YIPF1: variants seen among roughly 807,000 people sequenced by gnomAD.
YIPF1 encodes the protein protein YIPF1.
YIPF1 carries 22 observed loss-of-function variants against 37.0 expected under a neutral mutation model. That is an observed-to-expected ratio of 0.59 (90% confidence interval 0.42 to 0.85). The LOEUF is 0.85. Ranked by LOEUF, YIPF1 falls within the 40% of genes least tolerant of loss-of-function variation. The pLI, the probability that YIPF1 is intolerant of heterozygous loss-of-function variation, is 0.00. For synonymous variants in YIPF1, 128 were observed against 131.9 expected (o/e 0.97, Z 0.21); for missense variants, 355 against 373.1 (o/e 0.95, Z 0.40).
At chr1:53,867,046 T>C in intron 7 of YIPF1, 122 bp from the exon 8 acceptor site, 1 of 1,189,300 alleles carries the variant, frequency 8.4e-7, no homozygotes, top group Admixed American at 2.9e-5. Context: ...GACCACGGAA[T>C]CATGTCTTAC....
chr1:53,864,387 C>T (rs1228040857), intron 9 of YIPF1, among the ~76,000 whole-genome samples: 3 of 152,204 alleles, frequency 2.0e-5, no homozygotes, highest in East Asian at 1.9e-4. Context: ...CCAACAGGCC[C>T]GCCTTGAGGG....
At position 53,883,270 on chromosome 1, in the gene YIPF1, C is replaced by T. The variant is rs376566644; in HGVS notation, c.38G>A (p.Gly13Asp). ...AVDDLQFEEFGNAATSLTANP... is the reference protein window; with the variant it reads ...AVDDLQFEEFDNAATSLTANP... ...TGCTGTCAGAGAAGTGGCTGCATTG[C>T]CAAATTCTGAAATCAATTAGAGCAC... The change falls in exon 4 of 11, where the codon GGC (glycine) becomes GAC (aspartate). Residue 13 changes from glycine to aspartate, a missense_variant. Transcript: ENST00000072644. 6.4e-7 allele frequency: 1 copy of T among 1,561,506 alleles called. No homozygotes were observed. The highest frequency in any genetic ancestry group is 8.6e-7 in the Non-Finnish European group (1 of 1,157,336).
intron 9 of YIPF1, among the ~76,000 whole-genome samples, chr1:53,860,852 A>G (rs1649852034): frequency 6.6e-6 from 1 of 152,234 alleles, no homozygotes; most frequent in South Asian, 2.1e-4. Context: ...CATAAGGTCT[A>G]GAGAAGCCTA....
intron 6 of YIPF1, among the ~76,000 whole-genome samples, chr1:53,877,602 C>A (rs549074243): frequency 6.6e-6 from 1 of 152,220 alleles, no homozygotes; most frequent in South Asian, 2.1e-4. Context: ...TGACAACAAT[C>A]CCCGGCCCAA....
chr1:53,860,005 C>T (rs2100720542), intron 10 of YIPF1, 51 bp downstream of exon 10: 1 of 1,573,280 alleles, frequency 6.4e-7, no homozygotes, highest in African/African-American at 1.3e-5. Flanking sequence ...ATTGATACAC[C>T]TGCCCATGTT....
chr1:53,857,454 G>A (rs1003109112), intron 10 of YIPF1, among the ~76,000 whole-genome samples: 6 of 152,182 alleles, frequency 3.9e-5, no homozygotes, highest in African/African-American at 1.2e-4. Context: ...ACAGCCAAAG[G>A]CTAGCAGTGA....
rs1254558114 is a variant in YIPF1 at position 53,870,729 on chromosome 1, CA to C, written c.481+642del. Among the ~76,000 whole-genome samples, 5 of 151,994 alleles carry C rather than the reference CA, an allele frequency of 3.3e-5. No homozygotes were observed. The East Asian group carries it at 9.7e-4, about 29-fold the overall frequency. ...TCTTAGAATATATTCCAGCTGTGGC[CA>C]GGTGTGATGGCTCACACCTGTAATC... On this transcript the variant is annotated intron_variant, in intron 7 of 10. Coordinates refer to ENST00000072644, the MANE Select transcript of YIPF1 (RefSeq NM_018982.5).
At chr1:53,867,367 C>CTTTTTTTT (rs57424528) in intron 7 of YIPF1, among the ~76,000 whole-genome samples, 3 of 111,582 alleles carry the variant, frequency 2.7e-5, no homozygotes, top group Non-Finnish European at 3.6e-5. Context: ...CACTGACTTC[C>CTTTTTTTT]TTTTTTTTTT....
chr1:53,856,500 T>C (rs967099914), intron 10 of YIPF1, among the ~76,000 whole-genome samples: 2 of 152,094 alleles, frequency 1.3e-5, no homozygotes, highest in Admixed American at 1.3e-4. Flanking sequence ...GTGATGTGAG[T>C]CCACATCGTC....
At position 53,883,126 on chromosome 1, in the gene YIPF1, G is replaced by C; in HGVS notation, c.182C>G (p.Ser61Cys). The change falls in exon 4 of 11, where the codon TCT becomes TGT. Residue 61 changes from serine (S) to cysteine (C), a missense_variant. Coordinates refer to ENST00000072644, the MANE Select transcript of YIPF1 (RefSeq NM_018982.5). The stretch of plus-strand genomic sequence containing the variant: ...ACAAGTTCAAACCTCAGTTTTGTCA[G>C]AGTCATCATTTCCCAGTAACTCATC... ...EDDELLGNDD[S>C]DKTELLAGQK... 5 of 1,575,318 alleles carry C rather than the reference G, an allele frequency of 3.2e-6. No homozygotes were observed. The highest frequency in any genetic ancestry group is 4.3e-6 in the Non-Finnish European group (5 of 1,167,156).
chr1:53,861,690 G>GGA (rs1262421265), intron 9 of YIPF1, among the ~76,000 whole-genome samples: 17 of 95,324 alleles, frequency 1.8e-4, no homozygotes, highest in African/African-American at 5.8e-4. Context: ...GGGAGAGAGA[G>GGA]AGGGAGGGAG....
intron 3 of YIPF1, among the ~76,000 whole-genome samples, chr1:53,886,443 T>C (rs1650654021): frequency 6.6e-6 from 1 of 151,958 alleles, no homozygotes; most frequent in South Asian, 2.1e-4. Flanking sequence ...TATCCTAAGC[T>C]AGTTTCAGCC....
chr1:53,859,290 T>C (rs1321120922), intron 10 of YIPF1, among the ~76,000 whole-genome samples: 1 of 152,192 alleles, frequency 6.6e-6, no homozygotes, highest in Non-Finnish European at 1.5e-5. Flanking sequence ...GGACACATGA[T>C]TAGTCAGCCA....
intron 7 of YIPF1, among the ~76,000 whole-genome samples, chr1:53,868,478 G>GT (rs1467793154): frequency 6.6e-6 from 1 of 152,134 alleles, no homozygotes; most frequent in Non-Finnish European, 1.5e-5. Context: ...ATAAAAGCAG[G>GT]TAAGAACTGT....
intron 10 of YIPF1, among the ~76,000 whole-genome samples, chr1:53,858,594 C>T (rs924564090): frequency 6.6e-6 from 1 of 152,122 alleles, no homozygotes; most frequent in Non-Finnish European, 1.5e-5. Flanking sequence ...GAGTAAGCCC[C>T]TTACCCAAGG....
At chr1:53,887,616 C>T (rs927019582) in intron 3 of YIPF1, among the ~76,000 whole-genome samples, 6 of 151,738 alleles carry the variant, frequency 4.0e-5, no homozygotes, top group South Asian at 2.1e-4. Context: ...ATTTTGAAGA[C>T]GAGGTTGACA....
chr1:53,880,571 C>T (rs1410256579), intron 4 of YIPF1, among the ~76,000 whole-genome samples: 4 of 152,166 alleles, frequency 2.6e-5, no homozygotes, highest in African/African-American at 9.7e-5. Context: ...TTTTAAAATT[C>T]ATATGGAATC....
At chr1:53,853,303 C>A (rs1649641609) in intron 10 of YIPF1, among the ~76,000 whole-genome samples, 1 of 152,146 alleles carries the variant, frequency 6.6e-6, no homozygotes. Flanking sequence ...AAGAATCTAA[C>A]CTACTCTGCA....
At chr1:53,857,731 C>T (rs1176320313) in intron 10 of YIPF1, among the ~76,000 whole-genome samples, 2 of 152,112 alleles carry the variant, frequency 1.3e-5, no homozygotes, top group African/African-American at 4.8e-5. Context: ...CCTATAATCC[C>T]AGCACTGTGG....
Sources: gnomAD v4.1 joint callset for allele counts (sites outside exome capture counted in the v4.1 genomes callset) on GRCh38, gnomAD v4.1.1 for gene constraint, MANE v1.5 for transcripts, NCBI Gene and HGNC (gene_info 2026-07-23, HGNC 2026-07-21) for gene names.